MAB21L3: variants seen among roughly 807,000 people sequenced by gnomAD.
MAB21L3 encodes mab-21 like 3.
MAB21L3 carries 36 observed loss-of-function variants against 37.7 expected under a neutral mutation model. That is an observed-to-expected ratio of 0.96 (90% CI 0.73 to 1.26). The LOEUF (loss-of-function observed/expected upper bound fraction) is 1.26. Ranked by LOEUF, MAB21L3 falls within the 50% of genes most tolerant of loss-of-function variation. The pLI is 0.00. For synonymous variants in MAB21L3, 186 were observed against 176.8 expected, an observed-to-expected ratio of 1.05 and a Z score of -0.41; for missense variants, 430 against 447.3, an observed-to-expected ratio of 0.96 and a Z score of 0.35.
chr1:116,124,452 T>G (rs1659839146), intron 5 of MAB21L3, 95 bp downstream of exon 5: 2 of 1,129,300 alleles, frequency 1.8e-6, no homozygotes, highest in Non-Finnish European at 2.5e-6. Flanking sequence ...GCTCACAGCC[T>G]ACATTTGAGA....
chr1:116,124,742 T>C (rs1659851099), intron 5 of MAB21L3, among the ~76,000 whole-genome samples: 1 of 152,172 alleles, frequency 6.6e-6, no homozygotes, highest in African/African-American at 2.4e-5. Flanking sequence ...CTGACTGCAG[T>C]ACCACAGGGT....
Position 116,124,156 on chromosome 1 carries a change from A to C in MAB21L3, c.280A>C (p.Thr94Pro), listed in dbSNP as rs1659828702. ...EAREQHWRYYTLQGTRLPCPL... is the reference protein window; with the variant it reads ...EAREQHWRYYPLQGTRLPCPL... ...CAGGGAGCAGCACTGGCGGTACTAC[A>C]CACTGCAGGGCACCAGGCTGCCCTG... is the stretch of plus-strand genomic sequence containing the variant. Residue 94 changes from threonine to proline, a missense_variant, in exon 5 of 8, where the codon ACA (threonine) becomes CCA (proline). Coordinates refer to ENST00000369500, the MANE Select transcript of MAB21L3 (RefSeq NM_152367.3). 6.2e-7 allele frequency: 1 copy of C among 1,614,116 alleles called. No homozygotes were observed. Among genetic ancestry groups the C allele is most frequent in the Admixed American group, 1.7e-5 (1 of 60,006 alleles).
rs1002416351 is a variant in MAB21L3, at chr1:116,136,668, T to G, written c.*3303T>G. ...CCAAAAAAGAGCCTGCATTGCCAAG[T>G]CAATTCTAAGCCAAAAGAACAAAGC... On this transcript the variant is annotated 3_prime_UTR_variant, in exon 8 of 8. Transcript: ENST00000369500. Among the ~76,000 whole-genome samples the G allele has an allele frequency of 2.6e-5, 4 of 152,184 alleles. No individual in the cohort carries two copies. Among genetic ancestry groups the G allele is most frequent in the African/African-American group, 9.7e-5 (4 of 41,444 alleles).
intron 7 of MAB21L3, among the ~76,000 whole-genome samples, chr1:116,129,738 TG>T (rs770572606): frequency 1.3e-5 from 2 of 152,254 alleles, no homozygotes; most frequent in African/African-American, 2.4e-5. Context: ...ATTAAATATT[TG>T]TTGAGCAAAT....
In MAB21L3 at chr1:116,133,429, G is replaced by A; in HGVS notation, c.*64G>A. On this transcript the variant is annotated 3_prime_UTR_variant, in exon 8 of 8. Transcript: ENST00000369500. ...CTGGCTTAACATTGTTCTTTGGATG[G>A]TTCCTCAGTCAGGTGCCAGGATCCT... The A allele has an allele frequency of 6.8e-7, 1 of 1,461,724 alleles. No individual in the cohort carries two copies. The highest frequency in any genetic ancestry group is 9.5e-7 in the Non-Finnish European group (1 of 1,050,462). 90.5% of individuals were successfully genotyped at this position (1,461,724 alleles called of 1,614,324 possible).
Position 116,131,997 on chromosome 1 carries a change from C to T in MAB21L3, c.856-1135C>T, listed in dbSNP as rs17035341. Among the ~76,000 whole-genome samples the T allele has an allele frequency of 7.7e-3, 1,178 of 152,216 alleles. 13 individuals carry two copies. Among genetic ancestry groups the T allele is most frequent in the African/African-American group, 0.027 (1,113 of 41,538 alleles). On this transcript the variant is annotated intron_variant, in intron 7 of 7. Coordinates refer to ENST00000369500, the MANE Select transcript of MAB21L3 (RefSeq NM_152367.3). ...GGGAGAAGGGCGACTCCTAGGTTTT[C>T]GTGTTGCACAACTAGCTAGTTAAGC...
intron 3 of MAB21L3, among the ~76,000 whole-genome samples, chr1:116,120,467 A>T (rs1396418786): frequency 6.6e-6 from 1 of 151,610 alleles, no homozygotes; most frequent in Non-Finnish European, 1.5e-5. Context: ...ATACAGGAAT[A>T]CATATATATA....
chr1:116,120,684 C>T (rs1659721869), intron 3 of MAB21L3, among the ~76,000 whole-genome samples: 1 of 152,098 alleles, frequency 6.6e-6, no homozygotes, highest in Admixed American at 6.6e-5. Context: ...GCACCTGCTA[C>T]ATAGTAGGTC....
rs555641146 is a variant in MAB21L3 at position 116,128,337 on chromosome 1, C to T, written c.853C>T (p.Gln285Ter). 1 of 1,609,996 alleles carries T rather than the reference C, an allele frequency of 6.2e-7. No individual in the cohort carries two copies. Among genetic ancestry groups the T allele is most frequent in the Non-Finnish European group, 8.5e-7 (1 of 1,178,676 alleles). ...GCCGGTTATCACGTCCCACCATCTG[C>T]AGGTGAGTGTGGGGCAGGTTGGAGA... is the stretch of plus-strand genomic sequence containing the variant. ...NRPVITSHHL[Q>*]TVLFWTCEKY... The change falls in exon 7 of 8, where the codon CAG (glutamine) becomes TAG (stop). Residue 285 changes from glutamine (Q) to a stop codon, truncating the protein, a stop_gained and splice_region_variant. Transcript: ENST00000369500. LOFTEE classifies it high-confidence loss of function.
chr1:116,135,349 C>T lies in MAB21L3; in HGVS notation c.*1984C>T, dbSNP rs2101621476. On this transcript the variant is annotated 3_prime_UTR_variant, in exon 8 of 8. Transcript: ENST00000369500. ...CTACCATCAGAGAATACTACAAACT[C>T]CTCTACGCAAATAAACTAGAAAATC... The T allele has an allele frequency of 6.6e-6, 1 of 152,280 alleles. No individual in the cohort carries two copies. The highest frequency in any genetic ancestry group is 2.1e-4 in the South Asian group (1 of 4,820). The allele number at this position is 152,280 out of a possible 1,614,324, so 9.4% of individuals were successfully genotyped here.
intron 7 of MAB21L3, among the ~76,000 whole-genome samples, chr1:116,132,742 G>A (rs1162577640): frequency 2.0e-5 from 3 of 152,144 alleles, no homozygotes; most frequent in African/African-American, 7.2e-5. Context: ...TGGGATCCAG[G>A]GCCCTGTGGA....
At chr1:116,118,539 C>G (rs532209342) in intron 3 of MAB21L3, among the ~76,000 whole-genome samples, 2 of 152,290 alleles carry the variant, frequency 1.3e-5, no homozygotes, top group African/African-American at 4.8e-5. Context: ...CTGTCAGACT[C>G]CATGGACATT....
Position 116,137,507 on chromosome 1 carries a change from A to G in MAB21L3, c.*4142A>G, listed in dbSNP as rs1312894107. Among the ~76,000 whole-genome samples, 1 of 148,928 alleles carries G rather than the reference A, an allele frequency of 6.7e-6. No individual in the cohort carries two copies. The highest frequency in any genetic ancestry group is 2.5e-5 in the African/African-American group (1 of 39,490). On this transcript the variant is annotated 3_prime_UTR_variant, in exon 8 of 8. Transcript: ENST00000369500. ...CTGGAGAGGATGTGGAGAAATAGGA[A>G]AACTTTTACACTGTTGGTGGGACTG...
chr1:116,128,035 C>A, intron 6 of MAB21L3, 110 bp from the exon 7 acceptor site: 1 of 1,143,612 alleles, frequency 8.7e-7, no homozygotes, highest in Non-Finnish European at 1.2e-6. Context: ...GTAGGATGTG[C>A]TGTCTGCCTG....
At chr1:116,127,444 C>T (rs779989906) in intron 5 of MAB21L3, 22 bp from the exon 6 acceptor site, 75 of 1,607,238 alleles carry the variant, frequency 4.7e-5, no homozygotes, top group Non-Finnish European at 6.2e-5. Flanking sequence ...TTCTCCTTAT[C>T]CATTTGGTCA....
chr1:116,121,211 A>G lies in MAB21L3; in HGVS notation c.189+139A>G, dbSNP rs956341054. ...GTTTTCATAGGTATTCTTAGTTTTTACTATTTACAGTCTCATTTTATACAT... is the reference window on the plus strand; with the variant it reads ...GTTTTCATAGGTATTCTTAGTTTTTGCTATTTACAGTCTCATTTTATACAT... On this transcript the variant is annotated intron_variant, in intron 4 of 7. Coordinates refer to ENST00000369500, the MANE Select transcript of MAB21L3 (RefSeq NM_152367.3). The G allele has an allele frequency of 3.0e-5, 27 of 914,846 alleles. No homozygotes were observed. The East Asian group carries it at 7.1e-4, about 24-fold the overall frequency. The allele number at this position is 914,846 out of a possible 1,614,324, so 56.7% of individuals were successfully genotyped here.
At chr1:116,131,818 G>T (rs1020170192) in intron 7 of MAB21L3, among the ~76,000 whole-genome samples, 7 of 152,208 alleles carry the variant, frequency 4.6e-5, no homozygotes, top group African/African-American at 1.7e-4. Flanking sequence ...GGCAAGAACA[G>T]GGATGGGCTG....
chr1:116,117,854 A>G (rs1002318276), intron 3 of MAB21L3, among the ~76,000 whole-genome samples: 4 of 151,864 alleles, frequency 2.6e-5, no homozygotes, highest in African/African-American at 7.3e-5. Context: ...ATCTGCATGC[A>G]CCCTTTTCCC....
intron 7 of MAB21L3, among the ~76,000 whole-genome samples, chr1:116,128,790 A>T (rs1300660623): frequency 2.0e-5 from 3 of 152,174 alleles, no homozygotes; most frequent in Non-Finnish European, 4.4e-5. Context: ...CTCCTCATGC[A>T]CACAGACCCA....
Sources: gnomAD v4.1 joint callset for allele counts (sites outside exome capture counted in the v4.1 genomes callset) on GRCh38, gnomAD v4.1.1 for gene constraint, MANE v1.5 for transcripts, NCBI Gene and HGNC (gene_info 2026-07-23, HGNC 2026-07-21) for gene names.